The following KEAP1 variants were observed in gnomAD, a reference collection of about 807,000 sequenced individuals.
KEAP1 encodes the protein kelch like ECH associated protein 1, also known as kelch-like ECH-associated protein 1.
A neutral mutation model predicts 59.7 loss-of-function variants in KEAP1; 26 were observed. That is an observed-to-expected ratio of 0.44 (90% confidence interval 0.32 to 0.60). The LOEUF (loss-of-function observed/expected upper bound fraction) is 0.60. Among genes scored for constraint, KEAP1 ranks in the 20% least tolerant of loss-of-function variants. The probability of loss-of-function intolerance (pLI) is 0.06; values close to 1 mark genes in which losing one functional copy is unlikely to be tolerated. For synonymous variants in KEAP1, 350 were observed against 358.3 expected (o/e 0.98, Z 0.26); for missense variants, 539 against 871.4 (o/e 0.62, Z 4.80).
chr19:10,498,297 T>A (rs1914925168), intron 2 of KEAP1, among the ~76,000 whole-genome samples: 1 of 151,502 alleles, frequency 6.6e-6, no homozygotes, highest in Admixed American at 6.6e-5. Flanking sequence ...CCTCCCCGGT[T>A]CAAGCGATTC....
At chr19:10,501,940 A>C (rs1915058489) in intron 1 of KEAP1, among the ~76,000 whole-genome samples, 1 of 152,144 alleles carries the variant, frequency 6.6e-6, no homozygotes, top group African/African-American at 2.4e-5. Context: ...GACTCAACTC[A>C]AAGTCTCCTC....
intron 2 of KEAP1, among the ~76,000 whole-genome samples, chr19:10,494,327 CTTTTT>C (rs1195911183): frequency 9.1e-6 from 1 of 110,402 alleles, no homozygotes; most frequent in African/African-American, 3.7e-5. Flanking sequence ...CCTGGCTTGG[CTTTTT>C]TTTTTTTTTT....
At chr19:10,496,496 CA>C (rs1376701017) in intron 2 of KEAP1, among the ~76,000 whole-genome samples, 8 of 141,532 alleles carry the variant, frequency 5.7e-5, no homozygotes, top group South Asian at 2.2e-4. Flanking sequence ...CTCTGTCCCC[CA>C]CCCCCAAAAA....
At chr19:10,501,183 G>A (rs1161500197) in intron 1 of KEAP1, among the ~76,000 whole-genome samples, 1 of 152,126 alleles carries the variant, frequency 6.6e-6, no homozygotes, top group African/African-American at 2.4e-5. Flanking sequence ...AAGGACTTAA[G>A]GAAGGGTTTC....
rs1258560803 is a variant in KEAP1 at position 10,499,034 on chromosome 19, T to C, written c.639+361A>G. Among the ~76,000 whole-genome samples, 5 of 151,836 alleles carry C rather than the reference T, an allele frequency of 3.3e-5. No individual in the cohort carries two copies. Among genetic ancestry groups the C allele is most frequent in the Admixed American group, 3.3e-4 (5 of 15,214 alleles). On this transcript the variant is annotated intron_variant, in intron 2 of 5. Coordinates refer to ENST00000171111, the MANE Select transcript of KEAP1 (RefSeq NM_203500.2). The surrounding 1 kb of genome is among the most constrained non-coding windows in gnomAD (Gnocchi z 6.7). ...ATTTTTAGTAGAGATGGGTTTTAGC[T>C]ATGTGGGCCAGGCTGGTCTTGAACT... is the stretch of plus-strand genomic sequence containing the variant.
chr19:10,489,399 T>TG lies in KEAP1; in HGVS notation c.1532-32dup, dbSNP rs760203259. 1.9e-6 allele frequency: 3 copies of TG among 1,591,446 alleles called. No individual in the cohort carries two copies. In the South Asian group the frequency reaches 3.4e-5, roughly 18 times the overall value. On this transcript the variant is annotated intron_variant, in intron 4 of 5. Transcript: ENST00000171111. ...GGGCACCATGCAGAGAAGGTGACTCTGGGGGTCTGGCTTTGGGAACCCCAG... is the reference window on the plus strand; with the variant it reads ...GGGCACCATGCAGAGAAGGTGACTCTGGGGGGTCTGGCTTTGGGAACCCCAG...
intron 3 of KEAP1, 87 bp from the exon 4 acceptor site, chr19:10,489,940 T>A (rs1356327632): frequency 2.0e-6 from 2 of 1,009,452 alleles, no homozygotes; most frequent in Non-Finnish European, 2.8e-6. Context: ...TTTTTTTTCC[T>A]TTTTTTTTTC....
At position 10,502,809 on chromosome 19, in the gene KEAP1, G is replaced by C; in HGVS notation, c.-48+432C>G. 6.6e-6 allele frequency: 1 copy of C among 151,992 alleles called. No homozygotes were observed. Among genetic ancestry groups the C allele is most frequent in the East Asian group, 1.9e-4 (1 of 5,172 alleles). 9.4% of individuals were successfully genotyped at this position (151,992 alleles called of 1,614,324 possible). A position where few individuals can be genotyped will look rare whatever the true frequency, so the allele number is the denominator to read the frequency against. ...CAGGTCACCATGACTAAGCAGAGCC[G>C]GGCGCCCGCCGTGTCACAATAAAAG... On this transcript the variant is annotated intron_variant, in intron 1 of 5. Transcript: ENST00000171111. This position sits in a 1 kb window ranked among gnomAD's most constrained non-coding sequence, Gnocchi z 4.0.
intron 2 of KEAP1, among the ~76,000 whole-genome samples, chr19:10,495,698 C>CAA (rs879747384): frequency 1.5e-5 from 2 of 136,980 alleles, no homozygotes; most frequent in Non-Finnish European, 3.2e-5. Context: ...ACTCCATCTC[C>CAA]AAAAAAAAAA....
At chr19:10,501,474 A>G (rs551245384) in intron 1 of KEAP1, among the ~76,000 whole-genome samples, 10 of 151,768 alleles carry the variant, frequency 6.6e-5, no homozygotes, top group Non-Finnish European at 1.2e-4. Flanking sequence ...CTAAAAATAC[A>G]AAAAAATTAG....
At position 10,491,680 on chromosome 19, in the gene KEAP1, G is replaced by T. The variant is rs761357031; in HGVS notation, c.1222C>A (p.Pro408Thr). ...ATGCGGTTACGGGGCACGCTCATGG[G>T]GGCGCAGGGCGACCACTGATTGGTC... ...PMTNQWSPCA[P>T]MSVPRNRIGV... The change falls in exon 3 of 6, where the codon CCC becomes ACC. Residue 408 changes from proline to threonine, a missense_variant. Transcript: ENST00000171111. This position sits in a 1 kb window ranked among gnomAD's most constrained non-coding sequence, Gnocchi z 5.2. The T allele has an allele frequency of 1.1e-5, 17 of 1,578,050 alleles. No individual in the cohort carries two copies. The highest frequency in any genetic ancestry group is 1.4e-5 in the Non-Finnish European group (16 of 1,163,148).
intron 1 of KEAP1, among the ~76,000 whole-genome samples, chr19:10,500,666 G>C (rs962157210): frequency 6.6e-6 from 1 of 151,432 alleles, no homozygotes; most frequent in African/African-American, 2.4e-5. Context: ...GTGAGAATCG[G>C]GTGCAGTTTG....
intron 5 of KEAP1, among the ~76,000 whole-genome samples, chr19:10,488,294 A>T (rs894176723): frequency 6.6e-6 from 1 of 151,964 alleles, no homozygotes; most frequent in African/African-American, 2.4e-5. Flanking sequence ...TCTCAAAAAA[A>T]TAAAATAAAA....
chr19:10,500,485 C>T (rs1915004550), intron 1 of KEAP1, among the ~76,000 whole-genome samples: 2 of 152,140 alleles, frequency 1.3e-5, no homozygotes, highest in African/African-American at 2.4e-5. Flanking sequence ...TTACTGGGCA[C>T]CTACTGTATG....
At chr19:10,496,465 C>T (rs538608551) in intron 2 of KEAP1, among the ~76,000 whole-genome samples, 1 of 150,270 alleles carries the variant, frequency 6.7e-6, no homozygotes, top group Non-Finnish European at 1.5e-5. Context: ...CACTATACTC[C>T]AGCCTGATGA....
Position 10,499,367 on chromosome 19 carries a change from C to T in KEAP1, c.639+28G>A, listed in dbSNP as rs746209184. On this transcript the variant is annotated intron_variant, in intron 2 of 5. Coordinates refer to ENST00000171111, the MANE Select transcript of KEAP1 (RefSeq NM_203500.2). The surrounding 1 kb of genome is among the most constrained non-coding windows in gnomAD (Gnocchi z 6.7). The stretch of plus-strand genomic sequence containing the variant: ...TCCATCCCTGGTCCTTCTCCTGACA[C>T]TGCCCCCAGCCCCACTTCCCCGCTC... The T allele has an allele frequency of 6.5e-7, 1 of 1,536,908 alleles. No individual in the cohort carries two copies.
chr19:10,496,530 G>C (rs968555077), intron 2 of KEAP1, among the ~76,000 whole-genome samples: 13 of 151,170 alleles, frequency 8.6e-5, no homozygotes, highest in Admixed American at 6.6e-5. Flanking sequence ...GGCTTGGCGT[G>C]GTGGCTCAAG....
intron 2 of KEAP1, among the ~76,000 whole-genome samples, chr19:10,494,635 C>A (rs1203157254): frequency 1.4e-5 from 2 of 146,628 alleles, no homozygotes; most frequent in Admixed American, 1.4e-4. Flanking sequence ...CCGCGCCTGG[C>A]CTCTGAGTTT....
intron 2 of KEAP1, among the ~76,000 whole-genome samples, chr19:10,496,476 C>T (rs1914852355): frequency 6.8e-6 from 1 of 146,466 alleles, no homozygotes; most frequent in Non-Finnish European, 1.5e-5. Flanking sequence ...AGCCTGATGA[C>T]AGAGTGAGAC....
Sources: gnomAD v4.1 joint callset for allele counts (sites outside exome capture counted in the v4.1 genomes callset) on GRCh38, gnomAD v4.1.1 for gene constraint, Gnocchi (gnomAD v3.1) non-coding constraint, MANE v1.5 for transcripts, NCBI Gene and HGNC (gene_info 2026-07-23, HGNC 2026-07-21) for gene names.